Variants in CUL4A observed in about 807,000 individuals in gnomAD.
The protein encoded by CUL4A is cullin-4A.
A neutral mutation model predicts 95.5 loss-of-function variants in CUL4A; 16 were observed. That is an observed-to-expected ratio of 0.17 (90% CI 0.11 to 0.25). CUL4A has a LOEUF of 0.25. CUL4A is among the 10% of genes least tolerant of loss of function. CUL4A has a pLI of 1.00. For missense variants in CUL4A, 610 were observed against 937.0 expected, an observed-to-expected ratio of 0.65 and a Z score of 4.56; for synonymous variants, 380 against 353.1, an observed-to-expected ratio of 1.08 and a Z score of -0.85.
chr13:113,239,807 T>C (rs1271170398), intron 10 of CUL4A, among the ~76,000 whole-genome samples: 1 of 152,230 alleles, frequency 6.6e-6, no homozygotes, highest in Non-Finnish European at 1.5e-5. Context: ...AACAACTGTT[T>C]TGCTCTTCTT....
chr13:113,215,050 A>ATGTGACTGTGGAGGTTGCTG (rs1567011748), intron 2 of CUL4A, among the ~76,000 whole-genome samples: 1 of 146,366 alleles, frequency 6.8e-6, no homozygotes, highest in Admixed American at 6.8e-5. Flanking sequence ...CGTCTTGTCT[A>ATGTGACTGTGGAGGTTGCTG]TGTGACTGTG....
chr13:113,256,134 C>G (rs1259368224), intron 18 of CUL4A, among the ~76,000 whole-genome samples: 1 of 152,104 alleles, frequency 6.6e-6, no homozygotes, highest in Non-Finnish European at 1.5e-5. Flanking sequence ...CCAGCCTGAG[C>G]AATGCAGTGA....
At chr13:113,230,768 T>TTAG (rs1265800519) in intron 5 of CUL4A, among the ~76,000 whole-genome samples, 1 of 143,524 alleles carries the variant, frequency 7.0e-6, no homozygotes, top group African/African-American at 2.5e-5. Flanking sequence ...AAAATTATTA[T>TTAG]TATTATTATT....
intron 15 of CUL4A, 27 bp downstream of exon 15, chr13:113,246,090 G>A (rs747422100): frequency 2.3e-5 from 36 of 1,537,658 alleles, no homozygotes; most frequent in Non-Finnish European, 2.7e-5. Context: ...CATGCTGTCC[G>A]CTCCCGCTGT....
chr13:113,263,288 G>A (rs2042337843), intron 19 of CUL4A, among the ~76,000 whole-genome samples, 199 bp from the exon 20 acceptor site: 1 of 152,254 alleles, frequency 6.6e-6, no homozygotes, highest in Non-Finnish European at 1.5e-5. Context: ...AAGAGATAAC[G>A]TTAACTTTGT....
In CUL4A at chr13:113,209,752, A is replaced by T; in HGVS notation, c.125A>T (p.Lys42Met). 8.5e-7 allele frequency: 1 copy of T among 1,172,192 alleles called. No homozygotes were observed. The highest frequency in any genetic ancestry group is 3.7e-5 in the East Asian group (1 of 26,846). The allele number at this position is 1,172,192 out of a possible 1,614,324, so 72.6% of individuals were successfully genotyped here. The change falls in exon 1 of 20, where the codon AAG (lysine) becomes ATG (methionine). Residue 42 changes from lysine to methionine, a missense_variant. This residue lies in a region of CUL4A where 168 missense variants were observed against 185.5 expected (regional missense o/e 0.91). Coordinates refer to ENST00000375440, the MANE Select transcript of CUL4A (RefSeq NM_001008895.4). Reference sequence around the variant, plus strand: ...CCGGGGGGCGCGGGCGGCTCCAAGAAGCTGGTCATCAAGAACTTCCGAGGT... The same window carrying T: ...CCGGGGGGCGCGGGCGGCTCCAAGATGCTGGTCATCAAGAACTTCCGAGGT... ...AKPGGAGGSK[K>M]LVIKNFRDRP...
At chr13:113,217,270 G>A (rs2040728634) in intron 2 of CUL4A, among the ~76,000 whole-genome samples, 1 of 152,306 alleles carries the variant, frequency 6.6e-6, no homozygotes, top group South Asian at 2.1e-4. Flanking sequence ...GTTGTTTGAG[G>A]AGACAAAAGG....
intron 3 of CUL4A, among the ~76,000 whole-genome samples, chr13:113,221,886 G>C (rs1351694641): frequency 6.6e-6 from 1 of 152,160 alleles, no homozygotes; most frequent in African/African-American, 2.4e-5. Context: ...TGTGATAAGG[G>C]TTTTCAAAGG....
upstream of CUL4A, chr13:113,209,069 C>T (rs2040207535): frequency 9.5e-6 from 2 of 209,942 alleles, no homozygotes; most frequent in Admixed American, 6.7e-5. Flanking sequence ...ATGGCGCGCG[C>T]TCCCGAGCTC....
chr13:113,233,105 T>G (rs773520128), intron 5 of CUL4A, 72 bp from the exon 6 acceptor site: 16 of 1,481,938 alleles, frequency 1.1e-5, no homozygotes, highest in Admixed American at 5.7e-5. Context: ...TTGAATAGCA[T>G]AGCTGGAGAT....
At chr13:113,236,578 C>G in intron 8 of CUL4A, among the ~76,000 whole-genome samples, 1 of 152,230 alleles carries the variant, frequency 6.6e-6, no homozygotes, top group East Asian at 1.9e-4. Context: ...AGAAGCATCC[C>G]TGCTTCCCTG....
rs370973461 is a variant in CUL4A at position 113,243,175 on chromosome 13, GT to G, written c.1228+23del. On this transcript the variant is annotated intron_variant, in intron 11 of 19. Transcript: ENST00000375440. ...AGAACTGATCGGTAGAAAAATATTT[GT>G]TTTTTTTGTTTGTTTGTTTTTGAGA... 39 of 1,569,572 alleles carry G rather than the reference GT, an allele frequency of 2.5e-5. No homozygotes were observed. The highest frequency in any genetic ancestry group is 1.9e-4 in the African/African-American group (14 of 73,564).
intron 15 of CUL4A, among the ~76,000 whole-genome samples, chr13:113,248,202 G>A (rs2041904900): frequency 6.6e-6 from 1 of 152,228 alleles, no homozygotes; most frequent in Non-Finnish European, 1.5e-5. Context: ...GCTGTCACCT[G>A]TGTGGCGATT....
rs951070829 is a variant in CUL4A, at chr13:113,256,926, G to GTTTTTTTTTTTTTTTTTT, written c.2031+1807_2031+1824dup. Among the ~76,000 whole-genome samples, 37 of 47,390 alleles carry GTTTTTTTTTTTTTTTTTT rather than the reference G, an allele frequency of 7.8e-4. 5 individuals carry two copies. Among genetic ancestry groups the GTTTTTTTTTTTTTTTTTT allele is most frequent in the Non-Finnish European group, 9.7e-4 (27 of 27,936 alleles). 31.1% of individuals were successfully genotyped at this position (47,390 alleles called of 152,430 possible). On this transcript the variant is annotated intron_variant, in intron 18 of 19. Coordinates refer to ENST00000375440, the MANE Select transcript of CUL4A (RefSeq NM_001008895.4). ...AATGCTTTGTCCCTTTTTTTTTTTC[G>GTTTTTTTTTTTTTTTTTT]TTTTTTTTTTTTTTTTTTTTTTTGC...
chr13:113,213,882 A>G (rs1417721155), intron 2 of CUL4A, among the ~76,000 whole-genome samples: 1 of 152,238 alleles, frequency 6.6e-6, no homozygotes, highest in Non-Finnish European at 1.5e-5. Flanking sequence ...CTCCACGCAC[A>G]GGTGGGCTTC....
intron 4 of CUL4A, among the ~76,000 whole-genome samples, chr13:113,228,280 T>G (rs144456648): frequency 1.3e-5 from 2 of 152,196 alleles, no homozygotes; most frequent in Non-Finnish European, 2.9e-5. Flanking sequence ...GACAGGGTTC[T>G]TAGATGCCTG....
chr13:113,211,394 T>C (rs765478250), intron 2 of CUL4A, among the ~76,000 whole-genome samples: 9 of 152,218 alleles, frequency 5.9e-5, no homozygotes, highest in African/African-American at 2.2e-4. Context: ...TTTGTTTGTT[T>C]GTTCTTTGAG....
At chr13:113,230,829 G>A (rs1026109230) in intron 5 of CUL4A, among the ~76,000 whole-genome samples, 1 of 152,058 alleles carries the variant, frequency 6.6e-6, no homozygotes, top group Non-Finnish European at 1.5e-5. Flanking sequence ...GGAGTGCAGT[G>A]GCACAATCAT....
intron 3 of CUL4A, among the ~76,000 whole-genome samples, chr13:113,226,212 C>T (rs2041099455): frequency 6.6e-6 from 1 of 152,226 alleles, no homozygotes; most frequent in African/African-American, 2.4e-5. Flanking sequence ...ATGTGTTTTT[C>T]CTCCTCTCTG....
Sources: gnomAD v4.1 joint callset for allele counts (sites outside exome capture counted in the v4.1 genomes callset) on GRCh38, gnomAD v4.1.1 for gene constraint, gnomAD v4.1.1 regional missense constraint, MANE v1.5 for transcripts, NCBI Gene and HGNC (gene_info 2026-07-23, HGNC 2026-07-21) for gene names.